Variants in PCCA observed in about 807,000 individuals in gnomAD.
PCCA encodes the protein propionyl-CoA carboxylase subunit alpha.
Under a neutral mutation model 101.3 loss-of-function variants are expected in PCCA, and 74 were observed. The observed-to-expected ratio is 0.73, with a 90% confidence interval of 0.61 to 0.89. PCCA has a LOEUF of 0.89. PCCA is among the 40% of genes least tolerant of loss of function. PCCA has a pLI of 0.00. For synonymous variants in PCCA, 294 were observed against 313.6 expected, an observed-to-expected ratio of 0.94 and a Z score of 0.66; for missense variants, 891 against 907.0, an observed-to-expected ratio of 0.98 and a Z score of 0.23.
chr13:100,113,589 T>G (rs2048524445), intron 4 of PCCA, among the ~76,000 whole-genome samples: 1 of 151,426 alleles, frequency 6.6e-6, no homozygotes, highest in South Asian at 2.1e-4. Context: ...TCTTTTTTTT[T>G]TTTTTTTGAG....
chr13:100,185,833 G>A (rs1464787674), intron 6 of PCCA, among the ~76,000 whole-genome samples: 1 of 152,048 alleles, frequency 6.6e-6, no homozygotes, highest in Non-Finnish European at 1.5e-5. Context: ...TTTTAGTAGA[G>A]ATGGGGTTTC....
intron 7 of PCCA, among the ~76,000 whole-genome samples, chr13:100,233,040 T>C (rs2060583957): frequency 6.6e-6 from 1 of 152,310 alleles, no homozygotes; most frequent in South Asian, 2.1e-4. Flanking sequence ...TTTCAGAATT[T>C]TTTTCTTATT....
chr13:100,330,719 T>C (rs1351300208), intron 17 of PCCA, 48 bp downstream of exon 17: 1 of 1,084,230 alleles, frequency 9.2e-7, no homozygotes, highest in Non-Finnish European at 1.4e-6. Context: ...GTTATTTTTA[T>C]ACTTTATTGT....
chr13:100,490,333 AT>A (rs1296880586), intron 21 of PCCA: 2 of 152,168 alleles, frequency 1.3e-5, no homozygotes, highest in Non-Finnish European at 2.9e-5. Flanking sequence ...AATTTTCCTC[AT>A]GAAAATGGTC....
chr13:100,448,557 C>T (rs2081002874), intron 20 of PCCA, among the ~76,000 whole-genome samples: 1 of 152,154 alleles, frequency 6.6e-6, no homozygotes, highest in South Asian at 2.1e-4. Flanking sequence ...ACTACTTATT[C>T]ACCCATTTTT....
At chr13:100,382,903 G>C (rs2076308566) in intron 19 of PCCA, among the ~76,000 whole-genome samples, 1 of 152,068 alleles carries the variant, frequency 6.6e-6, no homozygotes, top group South Asian at 2.1e-4. Flanking sequence ...TTAAATCTAT[G>C]AGAAAGAAAG....
chr13:100,481,501 C>T (rs1288429885), intron 21 of PCCA, among the ~76,000 whole-genome samples: 5 of 152,026 alleles, frequency 3.3e-5, no homozygotes, highest in Admixed American at 6.6e-5. Flanking sequence ...GAGGTTACAG[C>T]GAGCCAAGAT....
At chr13:100,459,053 G>A (rs2081996900) in intron 21 of PCCA, among the ~76,000 whole-genome samples, 1 of 152,120 alleles carries the variant, frequency 6.6e-6, no homozygotes, top group African/African-American at 2.4e-5. Flanking sequence ...CTGGCTTCTA[G>A]TAGCTCCTGG....
chr13:100,447,824 A>G (rs1389787007), intron 20 of PCCA, among the ~76,000 whole-genome samples: 1 of 152,218 alleles, frequency 6.6e-6, no homozygotes, highest in Non-Finnish European at 1.5e-5. Flanking sequence ...AACATTTTGC[A>G]TTAAACCACT....
intron 16 of PCCA, among the ~76,000 whole-genome samples, chr13:100,318,079 G>A (rs1288005569): frequency 3.3e-5 from 5 of 152,034 alleles, no homozygotes; most frequent in Admixed American, 1.3e-4. Context: ...TCCCTTTTCC[G>A]TATAGCAGCC....
At chr13:100,181,466 A>G (rs2056773962) in intron 6 of PCCA, among the ~76,000 whole-genome samples, 1 of 152,266 alleles carries the variant, frequency 6.6e-6, no homozygotes, top group East Asian at 1.9e-4. Context: ...CTAGCCGGCC[A>G]GGCTAGAGTG....
At chr13:100,223,653 G>A (rs1031768106) in intron 7 of PCCA, among the ~76,000 whole-genome samples, 1 of 152,048 alleles carries the variant, frequency 6.6e-6, no homozygotes, top group Non-Finnish European at 1.5e-5. Flanking sequence ...CTGCTGGCTC[G>A]GGCAGCCTGC....
intron 12 of PCCA, among the ~76,000 whole-genome samples, chr13:100,286,750 T>A (rs963766494): frequency 6.6e-6 from 1 of 151,042 alleles, no homozygotes; most frequent in Non-Finnish European, 1.5e-5. Flanking sequence ...GAGAAACCTT[T>A]TTTTTTTTTT....
chr13:100,158,381 A>G (rs1008235920), intron 6 of PCCA, among the ~76,000 whole-genome samples: 12 of 152,222 alleles, frequency 7.9e-5, no homozygotes, highest in African/African-American at 2.9e-4. Context: ...CTTAAAATCT[A>G]TAACTTTAAC....
intron 8 of PCCA, among the ~76,000 whole-genome samples, chr13:100,243,204 T>C (rs1205371396): frequency 1.3e-5 from 2 of 152,236 alleles, no homozygotes; most frequent in African/African-American, 4.8e-5. Flanking sequence ...CTGGTTACTA[T>C]TTTGTAGTAA....
chr13:100,124,416 A>C (rs1346087900), intron 4 of PCCA, among the ~76,000 whole-genome samples: 1 of 152,214 alleles, frequency 6.6e-6, no homozygotes, highest in Non-Finnish European at 1.5e-5. Context: ...TGTGACTCAC[A>C]TCTTACCCAG....
intron 6 of PCCA, among the ~76,000 whole-genome samples, chr13:100,165,804 G>A (rs945019608): frequency 3.3e-5 from 5 of 152,076 alleles, no homozygotes; most frequent in Non-Finnish European, 5.9e-5. Flanking sequence ...GGCCGAGATA[G>A]GAGGATCACT....
chr13:100,490,380 G>A (rs1364794472), intron 21 of PCCA: 7 of 152,132 alleles, frequency 4.6e-5, no homozygotes, highest in Non-Finnish European at 8.8e-5. Context: ...ATCAGTAACA[G>A]GTCACAGCAT....
chr13:100,494,224 CT>C (rs1035966179), intron 21 of PCCA, among the ~76,000 whole-genome samples: 6 of 152,038 alleles, frequency 3.9e-5, no homozygotes, highest in Non-Finnish European at 7.4e-5. Flanking sequence ...AAAGGGCAAA[CT>C]TTTACCAAGT....
Sources: allele counts gnomAD v4.1 joint callset (sites outside exome capture counted in the v4.1 genomes callset), GRCh38; gene constraint gnomAD v4.1.1; transcripts MANE v1.5; gene names NCBI Gene and HGNC (gene_info 2026-07-23, HGNC 2026-07-21).